The following TENM2 variants were observed in gnomAD, a reference collection of about 807,000 sequenced individuals.
TENM2 encodes the protein teneurin-2.
A neutral mutation model predicts 245.2 loss-of-function variants in TENM2; 52 were observed. That is an observed-to-expected ratio of 0.21 (90% CI 0.17 to 0.27). The LOEUF is 0.27. Among genes scored for constraint, TENM2 ranks in the 10% least tolerant of loss-of-function variants. The pLI, the probability that TENM2 is intolerant of heterozygous loss-of-function variation, is 1.00. For missense variants in TENM2, 3,046 were observed against 3,666.8 expected (o/e 0.83, Z 4.37); for synonymous variants, 1,363 against 1,438.9 (o/e 0.95, Z 1.19).
the TENM2 span, among the ~76,000 whole-genome samples, chr5:167,084,958 A>G: frequency 3.9e-5 from 6 of 152,186 alleles, no homozygotes; most frequent in East Asian, 3.9e-4. Context: ...GCCCTAGTAC[A>G]TAATTTGCCC....
intron 2 of TENM2, among the ~76,000 whole-genome samples, chr5:167,575,360 G>A (rs1441473587): frequency 1.3e-5 from 2 of 152,178 alleles, no homozygotes; most frequent in South Asian, 4.1e-4. Flanking sequence ...TTTGGTCCTA[G>A]AAAGAACTGC....
rs1794972091 is a variant in TENM2, at chr5:168,115,335, G to GAAGGA, written c.1814-2955_1814-2951dup. ...AGGAAGGGAAGGAAGGGAAGGAAGG[G>GAAGGA]AAGGAAGGAAAGGAGGGAAGGAAGG... On this transcript the variant is annotated intron_variant, in intron 9 of 28. Coordinates refer to ENST00000518659, the Ensembl canonical transcript of TENM2. 2.2e-5 allele frequency among the ~76,000 whole-genome samples: 3 copies of GAAGGA among 134,156 alleles called. No homozygotes were observed. The South Asian group carries it at 7.7e-4, about 34-fold the overall frequency. The allele number at this position is 134,156 out of a possible 152,430, so 88.0% of individuals were successfully genotyped here. A position where few individuals can be genotyped will look rare whatever the true frequency, so the allele number is the denominator to read the frequency against.
chr5:168,253,727 G>A lies in TENM2; in HGVS notation c.7432+5356G>A, dbSNP rs115075683. ...GGCGTGAGCCACCGCGCCTGGCTAC[G>A]CACTCATTATTTATAAGCAGCTATG... On this transcript the variant is annotated intron_variant, in intron 27 of 28. Transcript: ENST00000518659. Among the ~76,000 whole-genome samples the A allele has an allele frequency of 6.1e-3, 923 of 152,280 alleles. 10 individuals are homozygous for A. The highest frequency in any genetic ancestry group is 0.021 in the African/African-American group (884 of 41,556).
intron 2 of TENM2, among the ~76,000 whole-genome samples, chr5:167,469,115 T>C (rs1049242428): frequency 2.0e-5 from 3 of 152,190 alleles, no homozygotes; most frequent in Admixed American, 2.0e-4. Context: ...CATGGAGTGC[T>C]TAATCTTGAA....
chr5:167,529,307 G>A (rs946301617), intron 2 of TENM2, among the ~76,000 whole-genome samples: 1 of 152,124 alleles, frequency 6.6e-6, no homozygotes, highest in African/African-American at 2.4e-5. Context: ...CTTCAGAACA[G>A]TGACTCTTAA....
At chr5:167,882,527 A>G (rs1430725251) in intron 3 of TENM2, among the ~76,000 whole-genome samples, 4 of 152,200 alleles carry the variant, frequency 2.6e-5, no homozygotes. Flanking sequence ...GTAATTTATA[A>G]AGGGAAGAAG....
intron 12 of TENM2, among the ~76,000 whole-genome samples, chr5:168,133,751 C>CT (rs1408488056): frequency 1.3e-5 from 2 of 152,254 alleles, no homozygotes; most frequent in African/African-American, 2.4e-5. Flanking sequence ...TCAGGCCCCA[C>CT]TTCGTCCATT....
chr5:167,066,379 A>G, the TENM2 span, among the ~76,000 whole-genome samples: 2 of 152,094 alleles, frequency 1.3e-5, no homozygotes, highest in African/African-American at 4.8e-5. Context: ...AAAAGAGATG[A>G]TGAGAATTTT....
intron 2 of TENM2, among the ~76,000 whole-genome samples, chr5:167,522,971 A>C (rs1191214708): frequency 6.6e-6 from 1 of 152,048 alleles, no homozygotes; most frequent in Non-Finnish European, 1.5e-5. Context: ...AAAAGCAAAA[A>C]CCAGGGGAGA....
chr5:167,872,504 GAA>G (rs1185105308), intron 2 of TENM2, among the ~76,000 whole-genome samples: 1 of 13,222 alleles, frequency 7.6e-5, no homozygotes, highest in Non-Finnish European at 3.0e-4. Flanking sequence ...AAGAAAGAAA[GAA>G]AGAAAGAAAG....
chr5:167,515,622 T>C (rs377030313), intron 2 of TENM2, among the ~76,000 whole-genome samples: 2,055 of 62,744 alleles, frequency 0.033, 42 homozygotes, highest in Non-Finnish European at 0.05. Flanking sequence ...TATATATACA[T>C]ATATATACAT....
the TENM2 span, among the ~76,000 whole-genome samples, chr5:167,113,687 C>A: frequency 6.6e-6 from 1 of 151,690 alleles, no homozygotes. Flanking sequence ...ATGTCAGACT[C>A]CTCTAACTTT....
intron 2 of TENM2, among the ~76,000 whole-genome samples, chr5:167,507,545 A>T (rs1227862528): frequency 6.6e-6 from 1 of 152,168 alleles, no homozygotes; most frequent in Non-Finnish European, 1.5e-5. Context: ...ACACACCTTC[A>T]ATTCGAGATG....
At chr5:167,669,870 T>A (rs1018366248) in intron 2 of TENM2, among the ~76,000 whole-genome samples, 2 of 151,920 alleles carry the variant, frequency 1.3e-5, no homozygotes, top group Non-Finnish European at 2.9e-5. Context: ...AGGTTTTTTT[T>A]TTTAAATAAA....
At chr5:167,863,182 CGT>C (rs1771984029) in intron 2 of TENM2, among the ~76,000 whole-genome samples, 1 of 152,132 alleles carries the variant, frequency 6.6e-6, no homozygotes, top group South Asian at 2.1e-4. Context: ...GGAAGGATTT[CGT>C]AAATTACAAA....
the TENM2 span, among the ~76,000 whole-genome samples, chr5:167,015,038 T>C: frequency 6.6e-6 from 1 of 152,226 alleles, no homozygotes; most frequent in East Asian, 1.9e-4. Context: ...GAAGGCTTTC[T>C]TGGGTGCAGT....
intron 4 of TENM2, among the ~76,000 whole-genome samples, chr5:167,974,021 GAGGAAGGA>G (rs1242975242): frequency 3.1e-5 from 2 of 64,242 alleles, no homozygotes; most frequent in Admixed American, 1.8e-4. Flanking sequence ...GGGAGGGAGG[GAGGAAGGA>G]AGGAAGGAGA....
the TENM2 span, among the ~76,000 whole-genome samples, chr5:167,018,378 CTTT>C: frequency 1.4e-5 from 2 of 140,652 alleles, no homozygotes; most frequent in Non-Finnish European, 1.6e-5. Context: ...TTCCCTGTTT[CTTT>C]TTTTTTTTTT....
chr5:167,618,921 G>A (rs973343040), intron 2 of TENM2, among the ~76,000 whole-genome samples: 1 of 152,100 alleles, frequency 6.6e-6, no homozygotes, highest in Non-Finnish European at 1.5e-5. Context: ...AGGCAGTTCA[G>A]GTAAATGAGT....
Sources: allele counts gnomAD v4.1 joint callset (sites outside exome capture counted in the v4.1 genomes callset), GRCh38; gene constraint gnomAD v4.1.1; transcripts MANE v1.5; gene names NCBI Gene and HGNC (gene_info 2026-07-23, HGNC 2026-07-21).